PINK1: variants seen among roughly 807,000 people sequenced by gnomAD.
PINK1 encodes serine/threonine-protein kinase PINK1, mitochondrial.
PINK1 carries 58 observed loss-of-function variants against 56.0 expected under a neutral mutation model. That is an observed-to-expected ratio of 1.04 (90% CI 0.84 to 1.29). The LOEUF is 1.29. PINK1 is among the 50% of genes most tolerant of loss of function. The pLI is 0.00. For missense variants in PINK1, 745 were observed against 777.9 expected, an observed-to-expected ratio of 0.96 and a Z score of 0.50; for synonymous variants, 354 against 339.3, an observed-to-expected ratio of 1.04 and a Z score of -0.48.
rs1450244912 is a variant in PINK1, at chr1:20,649,036, C to T, written c.1293C>T (p.Tyr431=). The change falls in exon 7 of 8, where the codon TAC becomes TAT. Residue 431 remains tyrosine (Y), a synonymous_variant. Transcript: ENST00000321556. ...ARPGPRAVID[Y]SKADAWAVGA... ...CTGGCCCCAGGGCAGTGATTGACTA[C>T]AGCAAGGCTGATGCCTGGGCAGTGG... The T allele has an allele frequency of 4.3e-6, 7 of 1,613,992 alleles. No individual in the cohort carries two copies. Among genetic ancestry groups the T allele is most frequent in the Non-Finnish European group, 5.1e-6 (6 of 1,180,046 alleles).
At chr1:20,636,205 T>C (rs1403064765) in intron 1 of PINK1, among the ~76,000 whole-genome samples, 2 of 101,826 alleles carry the variant, frequency 2.0e-5, no homozygotes, top group Admixed American at 1.0e-4. Context: ...AATATATATA[T>C]AATGTGTATA....
At chr1:20,634,870 AG>A (rs1299646102) in intron 1 of PINK1, among the ~76,000 whole-genome samples, 2 of 152,198 alleles carry the variant, frequency 1.3e-5, no homozygotes, top group Non-Finnish European at 2.9e-5. Flanking sequence ...GACTTGCCCA[AG>A]GACACAGCTG....
At chr1:20,639,811 C>G in intron 2 of PINK1, 81 bp from the exon 3 acceptor site, 1 of 1,292,434 alleles carries the variant, frequency 7.7e-7, no homozygotes, top group Non-Finnish European at 1.1e-6. Context: ...CTGCCCTGCT[C>G]CAGGTTACAG....
At position 20,648,652 on chromosome 1, in the gene PINK1, T is replaced by C. The variant is rs779917156; in HGVS notation, c.1251+20T>C. On this transcript the variant is annotated intron_variant, in intron 6 of 7. Transcript: ENST00000321556. ...CCAGAGGTGAGTCCCGAGTGTGTCATGCGCCATCGGCAGCCCTTCCCCCAC... is the reference window on the plus strand; with the variant it reads ...CCAGAGGTGAGTCCCGAGTGTGTCACGCGCCATCGGCAGCCCTTCCCCCAC... 11 of 1,612,852 alleles carry C rather than the reference T, an allele frequency of 6.8e-6. No homozygotes were observed. In the Admixed American group the frequency reaches 1.7e-4, roughly 24 times the overall value.
chr1:20,644,065 T>C (rs2053147487), intron 3 of PINK1, among the ~76,000 whole-genome samples: 1 of 152,226 alleles, frequency 6.6e-6, no homozygotes, highest in Non-Finnish European at 1.5e-5. Flanking sequence ...AAATATCTTC[T>C]TGTACTCACC....
intron 4 of PINK1, among the ~76,000 whole-genome samples, chr1:20,645,152 T>C (rs1387981776): frequency 2.6e-5 from 4 of 152,130 alleles, no homozygotes; most frequent in South Asian, 2.1e-4. Flanking sequence ...ATCAAAGTGC[T>C]CCTGGAAGGG....
intron 3 of PINK1, among the ~76,000 whole-genome samples, chr1:20,643,614 A>T (rs2053140828): frequency 6.6e-6 from 1 of 152,218 alleles, no homozygotes; most frequent in South Asian, 2.1e-4. Context: ...GTTCTGTGCC[A>T]TAGTTCCACA....
intron 1 of PINK1, 65 bp downstream of exon 1, chr1:20,634,000 T>A (rs1402002241): frequency 1.4e-6 from 1 of 693,730 alleles, no homozygotes; most frequent in Admixed American, 4.9e-5. Flanking sequence ...GGTCCTCAGC[T>A]GGGTGGGGGC....
At position 20,637,284 on chromosome 1, in the gene PINK1, A is replaced by C. The variant is rs115689766; in HGVS notation, c.388-558A>C. On this transcript the variant is annotated intron_variant, in intron 1 of 7. Coordinates refer to ENST00000321556, the MANE Select transcript of PINK1 (RefSeq NM_032409.3). ...GCCCCCAGCACCTGCACCTCCATCTATTTCTGTCTGAACTCTTGTACTCTT... is the reference window on the plus strand; with the variant it reads ...GCCCCCAGCACCTGCACCTCCATCTCTTTCTGTCTGAACTCTTGTACTCTT... Among the ~76,000 whole-genome samples, 8 of 152,262 alleles carry C rather than the reference A, an allele frequency of 5.3e-5. 1 individual carries two copies. Among genetic ancestry groups the C allele is most frequent in the African/African-American group, 1.9e-4 (8 of 41,560 alleles).
intron 3 of PINK1, chr1:20,642,824 T>A (rs922229789): frequency 6.6e-6 from 1 of 152,174 alleles, no homozygotes; most frequent in Non-Finnish European, 1.5e-5. Context: ...CATGCCACCA[T>A]GCCCAGCTAA....
At chr1:20,644,753 G>A in intron 4 of PINK1, 81 bp downstream of exon 4, 3 of 1,536,678 alleles carry the variant, frequency 2.0e-6, no homozygotes, top group South Asian at 2.3e-5. Flanking sequence ...TGTGCACCTT[G>A]ATCAGGGGGT....
In PINK1 at chr1:20,648,601, G is replaced by C. The variant is rs556540177; in HGVS notation, c.1220G>C (p.Arg407Pro). 1 of 1,614,052 alleles carries C rather than the reference G, an allele frequency of 6.2e-7. No individual in the cohort carries two copies. Among genetic ancestry groups the C allele is most frequent in the Non-Finnish European group, 8.5e-7 (1 of 1,180,042 alleles). Residue 407 changes from arginine (R) to proline (P), a missense_variant, in exon 6 of 8, where the codon CGG becomes CCG. By Grantham distance (103) the Arg-to-Pro change is moderately radical. Coordinates refer to ENST00000321556, the MANE Select transcript of PINK1 (RefSeq NM_032409.3). ...CCCTTCAGCAGCTGGTACGTGGATC[G>C]GGGCGGAAACGGCTGTCTGATGGCC... ...QLPFSSWYVD[R>P]GGNGCLMAPE... is the part of the protein sequence containing the mutation.
In PINK1 at chr1:20,638,122, A is replaced by G. The variant is rs1456585417; in HGVS notation, c.668A>G (p.Asn223Ser). The change falls in exon 2 of 8, where the codon AAC (asparagine) becomes AGC (serine). Residue 223 changes from asparagine to serine, a missense_variant. Asn to Ser is a conservative substitution (Grantham distance 46, BLOSUM62 1). Transcript: ENST00000321556. ...AFPLAIKMMWNISAGSSSEAI... is the reference protein window; with the variant it reads ...AFPLAIKMMWSISAGSSSEAI... ...CCCTTGGCCATCAAGATGATGTGGA[A>G]CATCTCGGTAAGCACCAGGCCTTTC... 1 of 1,611,690 alleles carries G rather than the reference A, an allele frequency of 6.2e-7. No individual in the cohort carries two copies. Among genetic ancestry groups the G allele is most frequent in the Non-Finnish European group, 8.5e-7 (1 of 1,179,988 alleles).
At position 20,639,907 on chromosome 1, in the gene PINK1, G is replaced by A. The variant is rs756873821; in HGVS notation, c.691G>A (p.Glu231Lys). 7.4e-6 allele frequency: 12 copies of A among 1,612,836 alleles called. No individual in the cohort carries two copies. The highest frequency in any genetic ancestry group is 1.0e-5 in the Non-Finnish European group (12 of 1,179,588). The change falls in exon 3 of 8, where the codon GAA becomes AAA. Residue 231 changes from glutamate (E) to lysine (K), a missense_variant. Glu to Lys is a moderately conservative substitution (Grantham distance 56). Transcript: ENST00000321556. The part of the protein sequence containing the change: ...MWNISAGSSS[E>K]AILNTMSQEL... ...GGTGTTCCAGGCAGGTTCCTCCAGC[G>A]AAGCCATCTTGAACACAATGAGCCA... is the stretch of plus-strand genomic sequence containing the variant.
In PINK1 at chr1:20,640,071, G is replaced by A. The variant is rs1244455587; in HGVS notation, c.776+79G>A. The A allele has an allele frequency of 2.6e-6, 3 of 1,167,866 alleles. No homozygotes were observed. In the Admixed American group the frequency reaches 5.9e-5, roughly 23 times the overall value. 72.3% of individuals were successfully genotyped at this position (1,167,866 alleles called of 1,614,324 possible). A position where few individuals can be genotyped will look rare whatever the true frequency, so the allele number is the denominator to read the frequency against. ...TCCATCACTTATGTCCTCAGCACCT[G>A]GTACAGTGTCTGATATGACAGTAGA... is the stretch of plus-strand genomic sequence containing the variant. On this transcript the variant is annotated intron_variant, in intron 3 of 7. Coordinates refer to ENST00000321556, the MANE Select transcript of PINK1 (RefSeq NM_032409.3).
chr1:20,645,762 C>G, intron 5 of PINK1, 39 bp downstream of exon 5: 1 of 1,613,544 alleles, frequency 6.2e-7, no homozygotes, highest in Non-Finnish European at 8.5e-7. Flanking sequence ...TCCAGGGGCA[C>G]TAGAGGGTGG....
chr1:20,638,458 C>A, intron 2 of PINK1: 1 of 334,174 alleles, frequency 3.0e-6, no homozygotes. Context: ...TGATGAAACC[C>A]CATCTCTATG....
At chr1:20,644,364 A>G (rs2053150294) in intron 3 of PINK1, 126 bp from the exon 4 acceptor site, 2 of 1,155,516 alleles carry the variant, frequency 1.7e-6, no homozygotes, top group Non-Finnish European at 2.6e-6. Context: ...TAGCAAATCT[A>G]TGATAAACAT....
In PINK1 at chr1:20,647,466, C is replaced by CTTTTTTTT. The variant is rs34054663; in HGVS notation, c.1124-1024_1124-1017dup. 1.8e-4 allele frequency among the ~76,000 whole-genome samples: 13 copies of CTTTTTTTT among 73,200 alleles called. 2 individuals carry two copies. Among genetic ancestry groups the CTTTTTTTT allele is most frequent in the East Asian group, 4.5e-4 (1 of 2,220 alleles). The allele number at this position is 73,200 out of a possible 152,430, so 48.0% of individuals were successfully genotyped here. On this transcript the variant is annotated intron_variant, in intron 5 of 7. Transcript: ENST00000321556. Reference sequence around the variant, plus strand: ...GCCACCACGCCCAGCTGGGAGTTGGCTTTTTTTTTTTTTTTTTTTTTTGAG... The same window carrying CTTTTTTTT: ...GCCACCACGCCCAGCTGGGAGTTGGCTTTTTTTTTTTTTTTTTTTTTTTTTTTTTTGAG...
Sources: allele counts gnomAD v4.1 joint callset (sites outside exome capture counted in the v4.1 genomes callset), GRCh38; gene constraint gnomAD v4.1.1; transcripts MANE v1.5; gene names NCBI Gene and HGNC (gene_info 2026-07-23, HGNC 2026-07-21).